LIPK: variants seen among roughly 807,000 people sequenced by gnomAD.
LIPK encodes lipase family member K.
Under a neutral mutation model 48.6 loss-of-function variants are expected in LIPK, and 32 were observed. The observed-to-expected ratio is 0.66, with a 90% confidence interval of 0.50 to 0.88. The LOEUF (loss-of-function observed/expected upper bound fraction) is 0.88, where lower values mean the gene tolerates loss of function less well. Among genes scored for constraint, LIPK ranks in the 40% least tolerant of loss-of-function variants. The pLI is 0.00. For missense variants in LIPK, 507 were observed against 478.5 expected (o/e 1.06, Z -0.56); for synonymous variants, 164 against 157.4 (o/e 1.04, Z -0.32).
At chr10:88,739,578 A>G (rs1653833) in intron 7 of LIPK, among the ~76,000 whole-genome samples, 32,928 of 152,108 alleles carry the variant, frequency 0.22, 3,723 homozygotes, top group East Asian at 0.35. Context: ...AAAAGACGCC[A>G]GGTGCAGTGG....
intron 4 of LIPK, among the ~76,000 whole-genome samples, 155 bp from the exon 5 acceptor site, chr10:88,732,023 C>T (rs1290526738): frequency 6.6e-6 from 1 of 152,190 alleles, no homozygotes; most frequent in African/African-American, 2.4e-5. Flanking sequence ...CAAGGTGACA[C>T]CCTTAAAAGT....
intron 1 of LIPK, among the ~76,000 whole-genome samples, chr10:88,716,557 A>G (rs1321125449): frequency 1.3e-4 from 20 of 151,916 alleles, no homozygotes. Flanking sequence ...AGATTTCACC[A>G]TGTTAGCCAG....
chr10:88,721,775 C>G lies in LIPK; in HGVS notation c.-11-2758C>G, dbSNP rs187414945. Among the ~76,000 whole-genome samples the G allele has an allele frequency of 9.3e-4, 142 of 152,282 alleles. 2 individuals carry two copies. In the East Asian group the frequency reaches 0.016, roughly 17 times the overall value. On this transcript the variant is annotated intron_variant, in intron 1 of 9. Transcript: ENST00000404190. ...TGATTTTGATTCAGAGGCCTCAAAA[C>G]GCCAGCCACTCAGCAGAAATGAGAC...
At chr10:88,730,342 T>C (rs1842438264) in intron 3 of LIPK, among the ~76,000 whole-genome samples, 1 of 152,110 alleles carries the variant, frequency 6.6e-6, no homozygotes, top group Non-Finnish European at 1.5e-5. Flanking sequence ...CAGGCTGGAG[T>C]GCAGTGTGGC....
chr10:88,707,259 C>A (rs1165386794), intron 1 of LIPK, among the ~76,000 whole-genome samples: 1 of 151,976 alleles, frequency 6.6e-6, no homozygotes, highest in South Asian at 2.1e-4. Flanking sequence ...GAGTATGGAA[C>A]TGAGTTTTGG....
intron 1 of LIPK, among the ~76,000 whole-genome samples, chr10:88,715,486 T>C (rs1842099153): frequency 1.3e-5 from 2 of 152,212 alleles, no homozygotes; most frequent in African/African-American, 2.4e-5. Flanking sequence ...GCTTGTATGA[T>C]ATATTTATTT....
chr10:88,739,638 G>A (rs892345990), intron 7 of LIPK, among the ~76,000 whole-genome samples: 2 of 152,056 alleles, frequency 1.3e-5, no homozygotes, highest in South Asian at 2.1e-4. Flanking sequence ...GGCGGATCAC[G>A]AGGTCAGGAG....
chr10:88,729,769 C>G (rs976502283), intron 3 of LIPK, among the ~76,000 whole-genome samples: 6 of 152,130 alleles, frequency 3.9e-5, no homozygotes, highest in Non-Finnish European at 5.9e-5. Flanking sequence ...TCCTTGGTCC[C>G]GATGGCTGAA....
chr10:88,737,555 G>A, intron 6 of LIPK, 80 bp from the exon 7 acceptor site: 2 of 1,453,132 alleles, frequency 1.4e-6, no homozygotes, highest in Non-Finnish European at 1.9e-6. Flanking sequence ...ATACTGTGCA[G>A]TCCTTCTTTG....
intron 7 of LIPK, 111 bp downstream of exon 7, chr10:88,737,892 G>C: frequency 2.6e-6 from 3 of 1,166,458 alleles, no homozygotes; most frequent in Non-Finnish European, 3.7e-6. Flanking sequence ...TTTTGCATTT[G>C]GAATGTAATT....
At position 88,732,552 on chromosome 10, in the gene LIPK, G is replaced by A. The variant is rs372561389; in HGVS notation, c.669+1G>A. The A allele has an allele frequency of 2.1e-5, 34 of 1,591,492 alleles. No homozygotes were observed. Among genetic ancestry groups the A allele is most frequent in the Non-Finnish European group, 2.7e-5 (32 of 1,173,572 alleles). ...AACCCTTTCCAGGCGAGTAGTTAAG[G>A]TATGTGACTTCCCAAGTTTTAATCT... On this transcript the variant is annotated splice_donor_variant, in intron 6 of 9. Coordinates refer to ENST00000404190, the MANE Select transcript of LIPK (RefSeq NM_001080518.2). LOFTEE classifies it high-confidence loss of function.
intron 9 of LIPK, among the ~76,000 whole-genome samples, chr10:88,749,529 A>G (rs561932089): frequency 6.6e-6 from 1 of 152,318 alleles, no homozygotes; most frequent in South Asian, 2.1e-4. Flanking sequence ...GGTCTATTCA[A>G]TAATTGGTGC....
intron 1 of LIPK, among the ~76,000 whole-genome samples, chr10:88,721,046 ATATG>A (rs1842214360): frequency 6.6e-6 from 1 of 152,022 alleles, no homozygotes; most frequent in Admixed American, 6.6e-5. Flanking sequence ...TAAAATCCTT[ATATG>A]CATTAGCATA....
chr10:88,732,184 T>C lies in LIPK; in HGVS notation c.429T>C (p.Asp143=). Residue 143 remains aspartate (D), a synonymous_variant, in exon 5 of 10, where the codon GAT becomes GAC. Transcript: ENST00000404190. ...KSPEYWAFSL[D]EMAKYDLPAT... Reference sequence around the variant, plus strand: ...TATTCCTTCTTTTTGATAGTTTGGATGAGATGGCTAAATATGACCTTCCAG... The same window carrying C: ...TATTCCTTCTTTTTGATAGTTTGGACGAGATGGCTAAATATGACCTTCCAG... 2.5e-6 allele frequency: 4 copies of C among 1,607,790 alleles called. No homozygotes were observed. The highest frequency in any genetic ancestry group is 3.4e-6 in the Non-Finnish European group (4 of 1,176,334).
At chr10:88,727,219 G>C (rs1842361735) in intron 3 of LIPK, among the ~76,000 whole-genome samples, 1 of 152,028 alleles carries the variant, frequency 6.6e-6, no homozygotes, top group African/African-American at 2.4e-5. Context: ...AGAAATCTAG[G>C]GGTTATTCTT....
At chr10:88,715,437 T>A (rs944983684) in intron 1 of LIPK, among the ~76,000 whole-genome samples, 39 of 152,160 alleles carry the variant, frequency 2.6e-4, no homozygotes, top group African/African-American at 9.2e-4. Flanking sequence ...TGAAGCCTAC[T>A]TTGTCTGTTA....
At chr10:88,752,488 C>G (rs917069215) in intron 9 of LIPK, 29 bp from the exon 10 acceptor site, 1 of 1,493,314 alleles carries the variant, frequency 6.7e-7, no homozygotes, top group African/African-American at 1.4e-5. Context: ...TCTGTAAAAA[C>G]TTTTCTCTCT....
chr10:88,736,141 A>G lies in LIPK; in HGVS notation c.670-1494A>G, dbSNP rs143283703. The stretch of plus-strand genomic sequence containing the variant: ...GAGGAAGAGAGGGATGGAGCCAGGG[A>G]AAAAGGAAGGGAAGGAGGGAGAGGG... On this transcript the variant is annotated intron_variant, in intron 6 of 9. Coordinates refer to ENST00000404190, the MANE Select transcript of LIPK (RefSeq NM_001080518.2). Among the ~76,000 whole-genome samples, 86 of 152,108 alleles carry G rather than the reference A, an allele frequency of 5.7e-4. 1 individual carries two copies. The highest frequency in any genetic ancestry group is 1.8e-3 in the African/African-American group (74 of 41,484).
chr10:88,709,683 A>C (rs1590126266), intron 1 of LIPK, among the ~76,000 whole-genome samples: 1 of 152,256 alleles, frequency 6.6e-6, no homozygotes, highest in East Asian at 1.9e-4. Flanking sequence ...GCAGAAGTTA[A>C]ATGCCCTTGG....
Sources: gnomAD v4.1 joint callset for allele counts (sites outside exome capture counted in the v4.1 genomes callset) on GRCh38, gnomAD v4.1.1 for gene constraint, MANE v1.5 for transcripts, NCBI Gene and HGNC (gene_info 2026-07-23, HGNC 2026-07-21) for gene names.